The following PRDM4 variants were observed in gnomAD, a reference collection of about 807,000 sequenced individuals.
The protein encoded by PRDM4 is PR domain zinc finger protein 4.
In PRDM4, 38 loss-of-function variants were observed where a neutral mutation model predicts 62.3. That is an observed-to-expected ratio of 0.61 (90% CI 0.47 to 0.80). The LOEUF (loss-of-function observed/expected upper bound fraction) is 0.80, where lower values mean the gene tolerates loss of function less well. PRDM4 is among the 30% of genes least tolerant of loss of function. The pLI is 0.00. For synonymous variants in PRDM4, 339 were observed against 348.2 expected (o/e 0.97, Z 0.30); for missense variants, 858 against 997.1 (o/e 0.86, Z 1.88).
chr12:107,734,383 G>C lies in PRDM4; in HGVS notation c.2233C>G (p.Leu745Val), dbSNP rs769297620. 6.2e-7 allele frequency: 1 copy of C among 1,614,192 alleles called. No homozygotes were observed. Among genetic ancestry groups the C allele is most frequent in the South Asian group, 1.1e-5 (1 of 91,090 alleles). ...TTGCAGGTTTTCAGGTGGCGGGTGA[G>C]ATGGTATTTGGTTAGATAAGCCTTT... ...CTKAYLTKYH[L>V]TRHLKTCKGP... is the part of the protein sequence containing the mutation. Residue 745 changes from leucine to valine, a missense_variant, in exon 12 of 12, where the codon CTC becomes GTC. Transcript: ENST00000228437.
rs766648901 is a variant in PRDM4, at chr12:107,752,067, T to C, written c.474A>G (p.Leu158=). The C allele has an allele frequency of 4.7e-5, 76 of 1,613,932 alleles. No homozygotes were observed. The highest frequency in any genetic ancestry group is 6.0e-5 in the Non-Finnish European group (71 of 1,179,872). ...AGTCTATTGAAACAATGCCTGGTTCTAATCCAACATTTCCATTGGACTGAT... is the reference window on the plus strand; with the variant it reads ...AGTCTATTGAAACAATGCCTGGTTCCAATCCAACATTTCCATTGGACTGAT... ...DPYQSNGNVG[L]EPGIVSIDSR... Residue 158 remains leucine (L), a synonymous_variant, in exon 5 of 12, where the codon TTA becomes TTG. Coordinates refer to ENST00000228437, the MANE Select transcript of PRDM4 (RefSeq NM_012406.4).
At chr12:107,735,415 T>C (rs1411305389) in intron 11 of PRDM4, among the ~76,000 whole-genome samples, 2 of 152,194 alleles carry the variant, frequency 1.3e-5, no homozygotes, top group African/African-American at 4.8e-5. Context: ...TGGTATCTCA[T>C]TACACCGTTA....
At chr12:107,745,090 T>A (rs991083456) in intron 6 of PRDM4, among the ~76,000 whole-genome samples, 2 of 147,586 alleles carry the variant, frequency 1.4e-5, no homozygotes, top group Non-Finnish European at 3.0e-5. Context: ...AAAAACAATA[T>A]GCTAGCATTC....
intron 8 of PRDM4, 111 bp downstream of exon 8, chr12:107,743,086 T>C (rs2136315264): frequency 1.2e-6 from 1 of 868,936 alleles, no homozygotes; most frequent in Non-Finnish European, 1.8e-6. Context: ...TTTAAGTATG[T>C]CCAGGTGTTG....
At chr12:107,753,502 TG>T (rs1890966474) in intron 4 of PRDM4, among the ~76,000 whole-genome samples, 3 of 152,152 alleles carry the variant, frequency 2.0e-5, no homozygotes, top group Non-Finnish European at 2.9e-5. Flanking sequence ...AGATGGATGA[TG>T]GGACTGAGTG....
At chr12:107,741,329 T>C (rs1262033267) in intron 9 of PRDM4, 69 bp from the exon 10 acceptor site, 1 of 1,378,112 alleles carries the variant, frequency 7.3e-7, no homozygotes, top group Non-Finnish European at 9.9e-7. Flanking sequence ...ATATTAACAA[T>C]CATTGCTTCC....
Position 107,751,599 on chromosome 12 carries a change from A to C in PRDM4, c.942T>G (p.Ser314=). The C allele has an allele frequency of 3.1e-6, 5 of 1,613,790 alleles. No individual in the cohort carries two copies. The highest frequency in any genetic ancestry group is 4.2e-6 in the Non-Finnish European group (5 of 1,179,700). Residue 314 remains serine (S), a synonymous_variant, in exon 5 of 12, where the codon TCT becomes TCG. Coordinates refer to ENST00000228437, the MANE Select transcript of PRDM4 (RefSeq NM_012406.4). ...TGAGGCCAACTTCATGGAGGGAAAC[A>C]GATTCTAGGGAGGCAAGGTTGTGTG... ...STSHNLASLE[S]VSLHEVGLSL...
intron 5 of PRDM4, among the ~76,000 whole-genome samples, chr12:107,750,172 A>G (rs1890844644): frequency 6.6e-6 from 1 of 152,190 alleles, no homozygotes. Context: ...ACCAGACTGT[A>G]AGCTCCTTAA....
Position 107,741,122 on chromosome 12 carries a change from C to T in PRDM4, c.1748G>A (p.Ser583Asn). Residue 583 changes from serine to asparagine, a missense_variant, in exon 10 of 12, where the codon AGT becomes AAT. Around this residue, in one of 3 missense-constraint regions of PRDM4, gnomAD observed 355 missense variants for 432.6 expected, o/e 0.82. Transcript: ENST00000228437. ...CTTCCACTTCCTTTCTTTGCTGTGA[C>T]TTGGCCCATGGCTGCCGCTATGTCC... The part of the protein sequence containing the change: ...TQGHSGSHGP[S>N]HSKERKWKCS... 1 of 1,614,142 alleles carries T rather than the reference C, an allele frequency of 6.2e-7. No individual in the cohort carries two copies. Among genetic ancestry groups the T allele is most frequent in the Non-Finnish European group, 8.5e-7 (1 of 1,180,040 alleles).
intron 9 of PRDM4, among the ~76,000 whole-genome samples, 173 bp from the exon 10 acceptor site, chr12:107,741,433 G>A (rs12231375): frequency 6.6e-6 from 1 of 152,078 alleles, no homozygotes; most frequent in Admixed American, 6.6e-5. Flanking sequence ...CTATGGGCCA[G>A]GCACAGTGGC....
chr12:107,751,092 C>A (rs191452928), intron 5 of PRDM4, among the ~76,000 whole-genome samples: 1 of 152,340 alleles, frequency 6.6e-6, no homozygotes, highest in East Asian at 1.9e-4. Flanking sequence ...AAGCAACCTC[C>A]TGCCTCTGCC....
chr12:107,748,593 G>A (rs541244976), intron 5 of PRDM4, among the ~76,000 whole-genome samples: 6 of 152,348 alleles, frequency 3.9e-5, no homozygotes, highest in African/African-American at 9.6e-5. Context: ...GCCAAGTATC[G>A]CATGATTCCA....
At chr12:107,751,304 G>T in intron 5 of PRDM4, 111 bp downstream of exon 5, 1 of 1,117,412 alleles carries the variant, frequency 8.9e-7, no homozygotes, top group Non-Finnish European at 1.3e-6. Flanking sequence ...AAAGTTCCAA[G>T]GTCTAGTTGC....
Position 107,740,951 on chromosome 12 carries a change from T to C in PRDM4, c.1919A>G (p.His640Arg). ...GATGGGCCAACACAACTTACCTGTA[T>C]GTATCTTGAGGTGGGTCCGCAGGTT... ...PSNLRTHLKI[H>R]TGQKNYRCTL... The change falls in exon 10 of 12, where the codon CAT becomes CGT. Residue 640 changes from histidine to arginine, a missense_variant. Physicochemically the swap from His to Arg is conservative, Grantham distance 29. Coordinates refer to ENST00000228437, the MANE Select transcript of PRDM4 (RefSeq NM_012406.4). 1 of 1,612,946 alleles carries C rather than the reference T, an allele frequency of 6.2e-7. No homozygotes were observed. Among genetic ancestry groups the C allele is most frequent in the Non-Finnish European group, 8.5e-7 (1 of 1,179,232 alleles).
chr12:107,757,946 A>G (rs1891112710), intron 2 of PRDM4, among the ~76,000 whole-genome samples: 1 of 152,162 alleles, frequency 6.6e-6, no homozygotes. Flanking sequence ...ACATTACAGA[A>G]CCACTAGGCT....
At chr12:107,752,320 CTTCT>C in intron 4 of PRDM4, 111 bp from the exon 5 acceptor site, 2 of 779,782 alleles carry the variant, frequency 2.6e-6, no homozygotes, top group Non-Finnish European at 4.1e-6. Flanking sequence ...TAATCTCCTG[CTTCT>C]TTAATTTAAT....
chr12:107,742,501 A>T, intron 8 of PRDM4, 153 bp from the exon 9 acceptor site: 1 of 837,552 alleles, frequency 1.2e-6, no homozygotes, highest in Non-Finnish European at 1.9e-6. Context: ...CCTATCTATG[A>T]GAAGGCAGTT....
At chr12:107,759,300 T>A (rs1035822279) in intron 2 of PRDM4, among the ~76,000 whole-genome samples, 2 of 152,112 alleles carry the variant, frequency 1.3e-5, no homozygotes, top group Middle Eastern at 6.3e-3. Context: ...AGAAAACATA[T>A]CTACCTTAAT....
rs1023508676 is a variant in PRDM4 at position 107,733,350 on chromosome 12, G to A, written c.*860C>T. 10 of 151,762 alleles carry A rather than the reference G, an allele frequency of 6.6e-5. No individual in the cohort carries two copies. The highest frequency in any genetic ancestry group is 1.9e-4 in the African/African-American group (8 of 41,424). 9.4% of individuals were successfully genotyped at this position (151,762 alleles called of 1,614,324 possible). On this transcript the variant is annotated 3_prime_UTR_variant, in exon 12 of 12. Transcript: ENST00000228437. ...ATTCCCTTCCTTCCCTTCCTCAGGT[G>A]AGTCCACATGTACTCATCAGGAGAC...
Sources: gnomAD v4.1 joint callset for allele counts (sites outside exome capture counted in the v4.1 genomes callset) on GRCh38, gnomAD v4.1.1 for gene constraint, gnomAD v4.1.1 regional missense constraint, MANE v1.5 for transcripts, NCBI Gene and HGNC (gene_info 2026-07-23, HGNC 2026-07-21) for gene names.